DPYSL3: variants seen among roughly 807,000 people sequenced by gnomAD.
DPYSL3 encodes the protein dihydropyrimidinase like 3.
DPYSL3 carries 16 observed loss-of-function variants against 66.1 expected under a neutral mutation model. That is an observed-to-expected ratio of 0.24 (90% CI 0.16 to 0.37). DPYSL3 has a LOEUF of 0.37. Among genes scored for constraint, DPYSL3 ranks in the 10% least tolerant of loss-of-function variants. The probability of loss-of-function intolerance (pLI) is 1.00; values close to 1 mark genes in which losing one functional copy is unlikely to be tolerated. For synonymous variants in DPYSL3, 338 were observed against 345.1 expected, an observed-to-expected ratio of 0.98 and a Z score of 0.23; for missense variants, 738 against 916.2, an observed-to-expected ratio of 0.81 and a Z score of 2.51.
chr5:147,398,856 C>CT (rs2152016042), intron 11 of DPYSL3, among the ~76,000 whole-genome samples: 1 of 152,340 alleles, frequency 6.6e-6, no homozygotes, highest in East Asian at 1.9e-4. Context: ...GAGGAAGCCT[C>CT]TATTGGCCTC....
At chr5:147,407,981 T>G (rs868758845) in intron 7 of DPYSL3, among the ~76,000 whole-genome samples, 4 of 152,180 alleles carry the variant, frequency 2.6e-5, no homozygotes, top group Middle Eastern at 3.2e-3. Flanking sequence ...TAAATAAGAC[T>G]CTAAAAGAGA....
At chr5:147,444,370 G>C (rs942373001) in intron 1 of DPYSL3, among the ~76,000 whole-genome samples, 2 of 152,014 alleles carry the variant, frequency 1.3e-5, no homozygotes, top group Non-Finnish European at 2.9e-5. Flanking sequence ...TGAATAAAAA[G>C]CACTTTACAC....
chr5:147,488,817 C>A (rs966024272), intron 1 of DPYSL3, among the ~76,000 whole-genome samples: 16 of 152,032 alleles, frequency 1.1e-4, no homozygotes, highest in South Asian at 1.0e-3. Context: ...GAGTTCGAGA[C>A]CAGCCTGGTC....
intron 1 of DPYSL3, among the ~76,000 whole-genome samples, chr5:147,444,343 A>G (rs1171837191): frequency 6.6e-6 from 1 of 152,226 alleles, no homozygotes; most frequent in Non-Finnish European, 1.5e-5. Flanking sequence ...AGTTGTTTTG[A>G]TAATTAAGTG....
chr5:147,413,527 G>C, intron 5 of DPYSL3, 69 bp downstream of exon 5: 3 of 1,278,030 alleles, frequency 2.3e-6, no homozygotes, highest in Non-Finnish European at 2.3e-6. Context: ...TGTTACAAGG[G>C]CCAAGGTCAT....
At chr5:147,507,422 G>A (rs766549320) in intron 1 of DPYSL3, among the ~76,000 whole-genome samples, 1 of 151,756 alleles carries the variant, frequency 6.6e-6, no homozygotes, top group Non-Finnish European at 1.5e-5. Context: ...TTGTATTTAA[G>A]CAGAGGCCAG....
intron 1 of DPYSL3, among the ~76,000 whole-genome samples, chr5:147,484,446 A>T (rs941491694): frequency 6.6e-6 from 1 of 152,226 alleles, no homozygotes; most frequent in Non-Finnish European, 1.5e-5. Context: ...ACAGGACTTG[A>T]AAGGGGAAAT....
intron 1 of DPYSL3, among the ~76,000 whole-genome samples, chr5:147,474,711 T>C (rs953152471): frequency 5.3e-5 from 8 of 152,128 alleles, no homozygotes; most frequent in Non-Finnish European, 1.0e-4. Context: ...AGAAATTTGG[T>C]GAATAAATAA....
intron 12 of DPYSL3, among the ~76,000 whole-genome samples, chr5:147,396,762 T>G (rs1439672278): frequency 6.6e-6 from 1 of 151,892 alleles, no homozygotes; most frequent in East Asian, 1.9e-4. Flanking sequence ...CCTTCTCTAT[T>G]AGGCCCAAAC....
intron 1 of DPYSL3, 131 bp from the exon 2 acceptor site, chr5:147,425,094 C>T: frequency 1.7e-6 from 1 of 585,090 alleles, no homozygotes; most frequent in Non-Finnish European, 3.0e-6. Context: ...TATGTGTGCT[C>T]AATGCACTCA....
intron 2 of DPYSL3, among the ~76,000 whole-genome samples, chr5:147,424,087 A>G (rs1752143177): frequency 6.6e-6 from 1 of 152,198 alleles, no homozygotes; most frequent in African/African-American, 2.4e-5. Flanking sequence ...GGGCTGGTAA[A>G]AAAAGTTTGC....
At chr5:147,409,248 G>A (rs1455747088) in intron 6 of DPYSL3, among the ~76,000 whole-genome samples, 1 of 152,142 alleles carries the variant, frequency 6.6e-6, no homozygotes, top group Non-Finnish European at 1.5e-5. Flanking sequence ...GACCTCACGG[G>A]GCTTATAATT....
At chr5:147,502,823 G>A (rs1045198241) in intron 1 of DPYSL3, among the ~76,000 whole-genome samples, 4 of 152,046 alleles carry the variant, frequency 2.6e-5, no homozygotes, top group African/African-American at 9.7e-5. Flanking sequence ...TCATCCGCCC[G>A]CCTTGCCCTC....
intron 1 of DPYSL3, among the ~76,000 whole-genome samples, chr5:147,478,394 T>C (rs188164160): frequency 6.6e-6 from 1 of 152,290 alleles, no homozygotes; most frequent in Non-Finnish European, 1.5e-5. Flanking sequence ...CAACTGATTA[T>C]TGGTTAGACA....
chr5:147,405,710 G>A lies in DPYSL3; in HGVS notation c.1053C>T (p.Phe351=). The change falls in exon 8 of 14, where the codon TTC becomes TTT. Residue 351 remains phenylalanine, a synonymous_variant. Coordinates refer to ENST00000343218, the MANE Select transcript of DPYSL3 (RefSeq NM_001197294.2). Reference sequence around the variant, plus strand: ...TTTGGCTGGCAATGGTGATGGCACGGAACACAGCCTCAGCTTCCAGCTGCA... The same window carrying A: ...TTTGGCTGGCAATGGTGATGGCACGAAACACAGCCTCAGCTTCCAGCTGCA... ...RPEELEAEAV[F]RAITIASQTN... is the part of the protein sequence containing the mutation. 1 of 1,613,362 alleles carries A rather than the reference G, an allele frequency of 6.2e-7. No homozygotes were observed. Among genetic ancestry groups the A allele is most frequent in the Non-Finnish European group, 8.5e-7 (1 of 1,179,664 alleles).
At chr5:147,411,594 T>G (rs1300495765) in intron 6 of DPYSL3, among the ~76,000 whole-genome samples, 1 of 152,134 alleles carries the variant, frequency 6.6e-6, no homozygotes, top group Non-Finnish European at 1.5e-5. Context: ...GGGTGAAAAT[T>G]AAATGAGAAT....
chr5:147,481,475 A>G (rs1431170124), intron 1 of DPYSL3, among the ~76,000 whole-genome samples: 1 of 152,210 alleles, frequency 6.6e-6, no homozygotes, highest in Admixed American at 6.5e-5. Context: ...TACTCATGAA[A>G]AAGCATTAGC....
intron 1 of DPYSL3, among the ~76,000 whole-genome samples, chr5:147,450,244 G>A (rs1001540443): frequency 2.6e-5 from 4 of 152,086 alleles, no homozygotes; most frequent in African/African-American, 9.7e-5. Flanking sequence ...AGTATTGACT[G>A]AGTCAAGGAT....
intron 1 of DPYSL3, among the ~76,000 whole-genome samples, chr5:147,483,180 A>T (rs1753274138): frequency 6.6e-6 from 1 of 152,236 alleles, no homozygotes; most frequent in African/African-American, 2.4e-5. Context: ...CCAGAAAGGT[A>T]AAGGGATATG....
Sources: allele counts gnomAD v4.1 joint callset (sites outside exome capture counted in the v4.1 genomes callset), GRCh38; gene constraint gnomAD v4.1.1; transcripts MANE v1.5; gene names NCBI Gene and HGNC (gene_info 2026-07-23, HGNC 2026-07-21).